The following PRDM16 variants were observed in gnomAD, a reference collection of about 807,000 sequenced individuals.
PRDM16 encodes the protein PR/SET domain 16.
In PRDM16, 23 loss-of-function variants were observed where a neutral mutation model predicts 110.6. The observed-to-expected ratio is 0.21, with a 90% CI of 0.15 to 0.29. PRDM16 has a LOEUF of 0.29. Among genes scored for constraint, PRDM16 ranks in the 10% least tolerant of loss-of-function variants. PRDM16 has a pLI of 1.00. For synonymous variants in PRDM16, 799 were observed against 781.8 expected (o/e 1.02, Z -0.37); for missense variants, 1,615 against 1,794.3 (o/e 0.90, Z 1.81).
At chr1:3,199,868 C>CT (rs1557523794) in intron 2 of PRDM16, among the ~76,000 whole-genome samples, 1 of 152,236 alleles carries the variant, frequency 6.6e-6, no homozygotes, top group African/African-American at 2.4e-5. Flanking sequence ...AGTCTGAGCT[C>CT]TCAGAGGTGA....
At position 3,385,136 on chromosome 1, in the gene PRDM16, G is replaced by A. The variant is rs374357486; in HGVS notation, c.439-16G>A. 239 of 1,613,048 alleles carry A rather than the reference G, an allele frequency of 1.5e-4. No homozygotes were observed. The highest frequency in any genetic ancestry group is 1.8e-4 in the Non-Finnish European group (216 of 1,179,998). ...ACAGGGCACCTCTGACTCCCGCTTC[G>A]CTTTCCTCCCAGCAGATCTCCGAAG... On this transcript the variant is annotated splice_polypyrimidine_tract_variant and intron_variant, in intron 3 of 16. Coordinates refer to ENST00000270722, the MANE Select transcript of PRDM16 (RefSeq NM_022114.4).
chr1:3,167,825 G>A (rs12131434), intron 1 of PRDM16, among the ~76,000 whole-genome samples: 3 of 6,726 alleles, frequency 4.5e-4, no homozygotes, highest in African/African-American at 6.6e-4. Context: ...CCATCCTCCC[G>A]CCCCACCCCT....
chr1:3,395,523 C>T (rs1174657771), intron 4 of PRDM16, among the ~76,000 whole-genome samples: 1 of 152,164 alleles, frequency 6.6e-6, no homozygotes, highest in Non-Finnish European at 1.5e-5. Context: ...TTACTGTGAT[C>T]AGAAGAGAGT....
chr1:3,125,331 C>A (rs1420747055), intron 1 of PRDM16, among the ~76,000 whole-genome samples: 5 of 152,246 alleles, frequency 3.3e-5, no homozygotes, highest in Non-Finnish European at 7.3e-5. Context: ...GCCCAGTGCC[C>A]GCTGATTGGA....
intron 1 of PRDM16, among the ~76,000 whole-genome samples, chr1:3,108,125 T>A (rs1328717108): frequency 6.6e-6 from 1 of 152,174 alleles, no homozygotes; most frequent in Non-Finnish European, 1.5e-5. Context: ...GCACACAGAG[T>A]GTGAAATCTT....
intron 3 of PRDM16, among the ~76,000 whole-genome samples, chr1:3,279,873 CCA>C (rs1328378018): frequency 1.7e-4 from 2 of 11,840 alleles, no homozygotes; most frequent in Non-Finnish European, 3.5e-4. Context: ...GCCCCTCCTC[CCA>C]CCCCCCCCGG....
intron 1 of PRDM16, among the ~76,000 whole-genome samples, chr1:3,151,783 C>T (rs1009830304): frequency 6.6e-6 from 1 of 152,200 alleles, no homozygotes; most frequent in African/African-American, 2.4e-5. Flanking sequence ...GAGAAGAGAG[C>T]CCAACTGTGG....
intron 14 of PRDM16, 148 bp from the exon 15 acceptor site, chr1:3,430,724 C>A: frequency 1.1e-6 from 1 of 946,812 alleles, no homozygotes; most frequent in South Asian, 1.5e-5. Context: ...AGTGGCTGGG[C>A]CCAGGGACCC....
At chr1:3,276,933 C>G (rs1397502088) in intron 3 of PRDM16, among the ~76,000 whole-genome samples, 1 of 152,116 alleles carries the variant, frequency 6.6e-6, no homozygotes, top group Non-Finnish European at 1.5e-5. Context: ...TCCCCATCCC[C>G]CATCACGACC....
chr1:3,407,233 G>A (rs1643577519), intron 8 of PRDM16, among the ~76,000 whole-genome samples: 1 of 152,184 alleles, frequency 6.6e-6, no homozygotes, highest in Non-Finnish European at 1.5e-5. Context: ...TCAGCACCTG[G>A]GCTGTGCCCG....
In PRDM16 at chr1:3,412,330, G is replaced by A. The variant is rs1171883892; in HGVS notation, c.2133G>A (p.Met711Ile). 6.2e-7 allele frequency: 1 copy of A among 1,613,800 alleles called. No homozygotes were observed. Among genetic ancestry groups the A allele is most frequent in the East Asian group, 2.2e-5 (1 of 44,866 alleles). ...ACTTTGGCCCCGGCTTCATGGGGAT[G>A]CAGGAGAAGAAGCTGGGCTCGCTCC... ...EKYFGPGFMGMQEKKLGSLPY... is the reference protein window; with the variant it reads ...EKYFGPGFMGIQEKKLGSLPY... Residue 711 changes from methionine (M) to isoleucine (I), a missense_variant, in exon 9 of 17, where the codon ATG becomes ATA. Physicochemically the swap from Met to Ile is conservative, Grantham distance 10. Transcript: ENST00000270722.
intron 4 of PRDM16, among the ~76,000 whole-genome samples, chr1:3,386,454 G>A (rs569826062): frequency 6.6e-6 from 1 of 152,168 alleles, no homozygotes; most frequent in African/African-American, 2.4e-5. Context: ...CCGTCCCCTT[G>A]GCTGTGGAGC....
intron 2 of PRDM16, among the ~76,000 whole-genome samples, chr1:3,225,580 G>A (rs572127225): frequency 1.4e-5 from 2 of 144,212 alleles, no homozygotes; most frequent in South Asian, 2.1e-4. Flanking sequence ...GTGTGCGCGC[G>A]CGCAGAAGGA....
intron 3 of PRDM16, among the ~76,000 whole-genome samples, chr1:3,343,089 T>G (rs1394034505): frequency 6.6e-6 from 1 of 151,866 alleles, no homozygotes; most frequent in Non-Finnish European, 1.5e-5. Context: ...TCCAAAAAGT[T>G]GTACTATTTT....
chr1:3,391,182 T>C (rs2493278), intron 4 of PRDM16, among the ~76,000 whole-genome samples: 120,339 of 152,138 alleles, frequency 0.79, 48,016 homozygotes, highest in African/African-American at 0.9. Flanking sequence ...TTAATTTGGT[T>C]AAGGCAGGCA....
chr1:3,069,901 G>A lies in PRDM16; in HGVS notation c.37+605G>A, dbSNP rs1420846783. On this transcript the variant is annotated intron_variant, in intron 1 of 16. Coordinates refer to ENST00000270722, the MANE Select transcript of PRDM16 (RefSeq NM_022114.4). The surrounding 1 kb of genome is among the most constrained non-coding windows in gnomAD (Gnocchi z 6.1). ...CGGCTCCGCGGGCGCAGGGGCAGGG[G>A]TGGCGACGGCGGGACAGCCGCAGCC... Among the ~76,000 whole-genome samples the A allele has an allele frequency of 6.6e-6, 1 of 151,960 alleles. No homozygotes were observed. The highest frequency in any genetic ancestry group is 6.5e-5 in the Admixed American group (1 of 15,282).
At position 3,300,519 on chromosome 1, in the gene PRDM16, C is replaced by T. The variant is rs572475866; in HGVS notation, c.438+56382C>T. Among the ~76,000 whole-genome samples, 215 of 151,924 alleles carry T rather than the reference C, an allele frequency of 1.4e-3. 1 individual carries two copies. Among genetic ancestry groups the T allele is most frequent in the African/African-American group, 3.7e-3 (153 of 41,406 alleles). On this transcript the variant is annotated intron_variant, in intron 3 of 16. Coordinates refer to ENST00000270722, the MANE Select transcript of PRDM16 (RefSeq NM_022114.4). Reference sequence around the variant, plus strand: ...CTGGTTGAAGATGATGTGCTGTGGCCGTGATGTTTCCGATCCCAGTCATGG... The same window carrying T: ...CTGGTTGAAGATGATGTGCTGTGGCTGTGATGTTTCCGATCCCAGTCATGG...
At chr1:3,087,666 C>T (rs1463133861) in intron 1 of PRDM16, among the ~76,000 whole-genome samples, 1 of 152,156 alleles carries the variant, frequency 6.6e-6, no homozygotes, top group Non-Finnish European at 1.5e-5. Context: ...CCAAGGAATG[C>T]CATGTCCAGA....
rs749126430 is a variant in PRDM16, at chr1:3,412,367, G to A, written c.2170G>A (p.Ala724Thr). The A allele has an allele frequency of 3.1e-6, 5 of 1,613,490 alleles. No homozygotes were observed. Among genetic ancestry groups the A allele is most frequent in the Non-Finnish European group, 2.5e-6 (3 of 1,180,014 alleles). The change falls in exon 9 of 17, where the codon GCG becomes ACG. Residue 724 changes from alanine to threonine, a missense_variant. By Grantham distance (58) the Ala-to-Thr change is moderately conservative. Coordinates refer to ENST00000270722, the MANE Select transcript of PRDM16 (RefSeq NM_022114.4). ...GCTGGGCTCGCTCCCCTACCACTCGGCGTTCCCCTTCCAGTTCCTGCCCAA... is the reference window on the plus strand; with the variant it reads ...GCTGGGCTCGCTCCCCTACCACTCGACGTTCCCCTTCCAGTTCCTGCCCAA... Reference protein sequence around the residue: ...KKLGSLPYHSAFPFQFLPNFP... With the variant: ...KKLGSLPYHSTFPFQFLPNFP...
Sources: allele counts gnomAD v4.1 joint callset (sites outside exome capture counted in the v4.1 genomes callset), GRCh38; gene constraint gnomAD v4.1.1; non-coding constraint Gnocchi (gnomAD v3.1); transcripts MANE v1.5; gene names NCBI Gene and HGNC (gene_info 2026-07-23, HGNC 2026-07-21).